KCNN2: variants seen among roughly 807,000 people sequenced by gnomAD.
KCNN2 encodes the protein potassium calcium-activated channel subfamily N member 2, also known as small conductance calcium-activated potassium channel protein 2.
Under a neutral mutation model 55.5 loss-of-function variants are expected in KCNN2, and 24 were observed. The observed-to-expected ratio is 0.43, with a 90% CI of 0.31 to 0.61. The LOEUF (loss-of-function observed/expected upper bound fraction) is 0.61. Among genes scored for constraint, KCNN2 ranks in the 20% least tolerant of loss-of-function variants. The pLI, the probability that KCNN2 is intolerant of heterozygous loss-of-function variation, is 0.08. For missense variants in KCNN2, 754 were observed against 853.6 expected (o/e 0.88, Z 1.45); for synonymous variants, 431 against 336.1 (o/e 1.28, Z -3.09).
At chr5:114,339,944 A>G (rs576319779) in intron 2 of KCNN2, among the ~76,000 whole-genome samples, 95 of 152,344 alleles carry the variant, frequency 6.2e-4, no homozygotes, top group Non-Finnish European at 1.1e-3. Context: ...AAGAGTAAAA[A>G]CAACAGGCAA....
chr5:114,466,750 G>T (rs1761473131), intron 4 of KCNN2, among the ~76,000 whole-genome samples: 1 of 151,968 alleles, frequency 6.6e-6, no homozygotes, highest in South Asian at 2.1e-4. Context: ...TCCTAGGGAT[G>T]CAGGTTGTTA....
chr5:114,442,747 G>T (rs1760263725), intron 3 of KCNN2, among the ~76,000 whole-genome samples: 1 of 152,176 alleles, frequency 6.6e-6, no homozygotes, highest in Non-Finnish European at 1.5e-5. Flanking sequence ...AGGGACTAAA[G>T]GATATGTAAG....
At chr5:114,473,680 TG>T (rs1350925162) in intron 5 of KCNN2, among the ~76,000 whole-genome samples, 2 of 152,196 alleles carry the variant, frequency 1.3e-5, no homozygotes, top group Non-Finnish European at 2.9e-5. Flanking sequence ...ACCATCCAGT[TG>T]GGCAATCGCT....
chr5:114,244,344 T>G, intron 2 of KCNN2, among the ~76,000 whole-genome samples: 1 of 6,538 alleles, frequency 1.5e-4, no homozygotes, highest in East Asian at 0.017. Context: ...TGGCGGCTCA[T>G]TGCCACTTGG....
intron 3 of KCNN2, among the ~76,000 whole-genome samples, chr5:114,460,021 A>G (rs1184909515): frequency 6.6e-6 from 1 of 152,162 alleles, no homozygotes; most frequent in Non-Finnish European, 1.5e-5. Flanking sequence ...TCAGTCATTT[A>G]CTGCCCCCAA....
intron 3 of KCNN2, among the ~76,000 whole-genome samples, chr5:114,441,090 T>TA (rs1200973787): frequency 6.6e-6 from 1 of 151,968 alleles, no homozygotes; most frequent in African/African-American, 2.4e-5. Flanking sequence ...CTAGTAGGAA[T>TA]AAAAAAAGAT....
chr5:114,276,658 A>ATTTT (rs141201743), intron 2 of KCNN2, among the ~76,000 whole-genome samples: 41,040 of 130,186 alleles, frequency 0.32, 7,223 homozygotes, highest in African/African-American at 0.42. Flanking sequence ...CAACCCCTGC[A>ATTTT]TTTTTTTTTT....
At chr5:114,340,784 C>T (rs1478157267) in intron 2 of KCNN2, among the ~76,000 whole-genome samples, 1 of 152,058 alleles carries the variant, frequency 6.6e-6, no homozygotes, top group Non-Finnish European at 1.5e-5. Flanking sequence ...CTATAGTCTC[C>T]AGAAATTATT....
At chr5:114,089,500 G>A (rs1751092586) in intron 1 of KCNN2, among the ~76,000 whole-genome samples, 2 of 152,274 alleles carry the variant, frequency 1.3e-5, no homozygotes, top group Admixed American at 6.5e-5. Context: ...GGCAGGCCTT[G>A]TGGAATCTCA....
At chr5:114,072,023 T>C (rs1310832388) in intron 1 of KCNN2, among the ~76,000 whole-genome samples, 1 of 152,220 alleles carries the variant, frequency 6.6e-6, no homozygotes. Context: ...CTGGGCGTGG[T>C]GCCTCATGCC....
At chr5:114,372,949 G>A (rs543471085) in intron 2 of KCNN2, among the ~76,000 whole-genome samples, 4 of 152,142 alleles carry the variant, frequency 2.6e-5, no homozygotes, top group Non-Finnish European at 5.9e-5. Context: ...AAATACCCTT[G>A]CACATTAACT....
intron 3 of KCNN2, among the ~76,000 whole-genome samples, chr5:114,454,323 G>A (rs1169082645): frequency 6.6e-6 from 1 of 151,810 alleles, no homozygotes; most frequent in Non-Finnish European, 1.5e-5. Context: ...CTTTTCGATA[G>A]AAATCAGATT....
chr5:114,262,152 T>G (rs2150004653), intron 2 of KCNN2, among the ~76,000 whole-genome samples: 1 of 152,318 alleles, frequency 6.6e-6, no homozygotes, highest in Non-Finnish European at 1.5e-5. Context: ...TTTTCGAATT[T>G]GGCTTCGTTT....
intron 2 of KCNN2, among the ~76,000 whole-genome samples, chr5:114,236,390 T>C (rs1754493039): frequency 1.3e-5 from 2 of 152,218 alleles, no homozygotes; most frequent in African/African-American, 4.8e-5. Flanking sequence ...CTTTAGACTT[T>C]AGGCTTATAA....
intron 1 of KCNN2, among the ~76,000 whole-genome samples, chr5:114,152,510 G>T (rs1055395062): frequency 6.6e-6 from 1 of 152,076 alleles, no homozygotes; most frequent in South Asian, 2.1e-4. Flanking sequence ...ATATTTGAAG[G>T]GTGTTTTATT....
chr5:114,381,885 G>C (rs1758136348), intron 2 of KCNN2, among the ~76,000 whole-genome samples: 1 of 152,186 alleles, frequency 6.6e-6, no homozygotes, highest in African/African-American at 2.4e-5. Context: ...TGAACTAGGA[G>C]AGGGGCAGGA....
chr5:114,289,273 A>G lies in KCNN2; in HGVS notation c.-185+67708A>G, dbSNP rs993104868. On this transcript the variant is annotated intron_variant, in intron 2 of 10. Transcript: ENST00000512097. ...CTTTATGTTTTGAAATCACAAGTAC[A>G]GGTCCTCCAATTTTGTTCTTTTTCA... Among the ~76,000 whole-genome samples the G allele has an allele frequency of 2.6e-5, 4 of 152,110 alleles. No homozygotes were observed. The South Asian group carries it at 6.2e-4, about 24-fold the overall frequency.
At chr5:114,231,494 T>C (rs1273925071) in intron 2 of KCNN2, among the ~76,000 whole-genome samples, 1 of 150,662 alleles carries the variant, frequency 6.6e-6, no homozygotes, top group Non-Finnish European at 1.5e-5. Context: ...GTTTCAGCTT[T>C]CTACATATGG....
Position 114,362,748 on chromosome 5 carries a change from CGA to C in KCNN2, c.613_614del (p.Ser205GlnfsTer77). On this transcript the variant is annotated frameshift_variant, in exon 1 of 8. Transcript: ENST00000673685. LOFTEE classifies it high-confidence loss of function. ...AGCACCACCAGCCCCAGGCGCGCCGCGAGAGCAACCCCTTCACCGAAATAGCC... is the reference window on the plus strand; with the variant it reads ...AGCACCACCAGCCCCAGGCGCGCCGCGAGCAACCCCTTCACCGAAATAGCC... ...HQHHQPQARR[E>X]SNPFTEIAMS... 6.5e-7 allele frequency: 1 copy of C among 1,546,066 alleles called. No individual in the cohort carries two copies. The highest frequency in any genetic ancestry group is 8.7e-7 in the Non-Finnish European group (1 of 1,153,222).
Sources: allele counts gnomAD v4.1 joint callset (sites outside exome capture counted in the v4.1 genomes callset), GRCh38; gene constraint gnomAD v4.1.1; transcripts MANE v1.5; gene names NCBI Gene and HGNC (gene_info 2026-07-23, HGNC 2026-07-21).